LRCH1: variants seen among roughly 807,000 people sequenced by gnomAD.
The protein encoded by LRCH1 is leucine rich repeats and calponin homology domain containing 1.
In LRCH1, 23 loss-of-function variants were observed where a neutral mutation model predicts 94.9. The observed-to-expected ratio is 0.24, with a 90% CI of 0.17 to 0.34. LRCH1 has a LOEUF of 0.34. Among genes scored for constraint, LRCH1 ranks in the 10% least tolerant of loss-of-function variants. The pLI is 1.00. For missense variants in LRCH1, 790 were observed against 945.9 expected (o/e 0.84, Z 2.16); for synonymous variants, 364 against 354.9 (o/e 1.03, Z -0.29).
chr13:46,685,551 G>C (rs1870561960), intron 4 of LRCH1, among the ~76,000 whole-genome samples: 1 of 152,140 alleles, frequency 6.6e-6, no homozygotes, highest in Non-Finnish European at 1.5e-5. Flanking sequence ...GTGCTACTGG[G>C]AAACAGTTTG....
chr13:46,606,764 G>A (rs1309622211), intron 1 of LRCH1, among the ~76,000 whole-genome samples: 1 of 152,114 alleles, frequency 6.6e-6, no homozygotes, highest in East Asian at 1.9e-4. Flanking sequence ...TAGAGATGGG[G>A]TTTCACCATG....
intron 16 of LRCH1, among the ~76,000 whole-genome samples, chr13:46,719,141 A>G (rs1872479753): frequency 1.3e-5 from 2 of 152,272 alleles, no homozygotes; most frequent in Non-Finnish European, 1.5e-5. Flanking sequence ...TTCATATAAC[A>G]TTTATTTCAG....
intron 16 of LRCH1, among the ~76,000 whole-genome samples, chr13:46,716,753 A>G (rs1322552193): frequency 6.6e-6 from 1 of 152,234 alleles, no homozygotes; most frequent in African/African-American, 2.4e-5. Flanking sequence ...AATATTTCAT[A>G]GATTTCTAAA....
At chr13:46,578,973 C>G (rs1036032163) in intron 1 of LRCH1, among the ~76,000 whole-genome samples, 1 of 152,106 alleles carries the variant, frequency 6.6e-6, no homozygotes, top group Non-Finnish European at 1.5e-5. Flanking sequence ...CAGACAAGAC[C>G]TAAGGCCGAC....
chr13:46,732,683 A>G (rs1873167735), intron 18 of LRCH1, among the ~76,000 whole-genome samples: 1 of 152,150 alleles, frequency 6.6e-6, no homozygotes, highest in African/African-American at 2.4e-5. Flanking sequence ...TCAGAGAGAA[A>G]CGCTAGGGTC....
Position 46,734,018 on chromosome 13 carries a change from A to G in LRCH1, c.2085+20A>G. 7.2e-7 allele frequency: 1 copy of G among 1,394,876 alleles called. No homozygotes were observed. Among genetic ancestry groups the G allele is most frequent in the Non-Finnish European group, 1.0e-6 (1 of 995,874 alleles). The allele number at this position is 1,394,876 out of a possible 1,614,324, so 86.4% of individuals were successfully genotyped here. On this transcript the variant is annotated intron_variant, in intron 19 of 19. Coordinates refer to ENST00000389797, the MANE Select transcript of LRCH1 (RefSeq NM_001164211.2). ...CCAGAGGTAACATCAAACTTACTTC[A>G]TATAACTGTGTTCTAGTAAAAATTT...
At position 46,668,834 on chromosome 13, in the gene LRCH1, T is replaced by TTTTTTTA. The variant is rs1566212601; in HGVS notation, c.453-196_453-195insTTTTTTA. Among the ~76,000 whole-genome samples, 156 of 150,686 alleles carry TTTTTTTA rather than the reference T, an allele frequency of 1.0e-3. 3 individuals are homozygous for TTTTTTTA. In the South Asian group the frequency reaches 0.029, roughly 28 times the overall value. ...TTATTTTTTATTTTTTATTTTTTTT[T>TTTTTTTA]AAAAAAAGAAAAACATATTTTGTTT... is the stretch of plus-strand genomic sequence containing the variant. On this transcript the variant is annotated intron_variant, in intron 2 of 19. Transcript: ENST00000389797.
Position 46,686,032 on chromosome 13 carries a change from T to C in LRCH1, c.813T>C (p.Pro271=), listed in dbSNP as rs1314133552. ...LLLENNPLQS[P]PAQICTKGKV... ...TTGAGAATAACCCTCTGCAGTCTCC[T>C]CCAGCACAGGTGAGGGGTCTTGCAG... The change falls in exon 5 of 20, where the codon CCT becomes CCC. Residue 271 remains proline, a synonymous_variant. Transcript: ENST00000389797. 1.9e-6 allele frequency: 3 copies of C among 1,594,926 alleles called. No individual in the cohort carries two copies. The highest frequency in any genetic ancestry group is 2.3e-5 in the South Asian group (2 of 85,926).
intron 1 of LRCH1, among the ~76,000 whole-genome samples, chr13:46,609,568 GA>G (rs565190012): frequency 4.0e-5 from 6 of 151,578 alleles, no homozygotes; most frequent in African/African-American, 9.7e-5. Flanking sequence ...ATTTTAGAAT[GA>G]AAAAAGGTCT....
chr13:46,665,996 T>C (rs914485954), intron 2 of LRCH1, among the ~76,000 whole-genome samples: 2 of 152,214 alleles, frequency 1.3e-5, no homozygotes, highest in South Asian at 2.1e-4. Flanking sequence ...TTCCTTTTTC[T>C]ATTGGGGAAA....
At chr13:46,658,760 C>T (rs890819067) in intron 2 of LRCH1, among the ~76,000 whole-genome samples, 26 of 152,134 alleles carry the variant, frequency 1.7e-4, no homozygotes, top group Admixed American at 7.2e-4. Context: ...GGATTACAGG[C>T]GTGAGCCACC....
chr13:46,685,625 A>T (rs957209148), intron 4 of LRCH1, among the ~76,000 whole-genome samples: 2 of 152,166 alleles, frequency 1.3e-5, no homozygotes, highest in African/African-American at 2.4e-5. Context: ...GAAAAAAAAA[A>T]GTATTTTTAA....
intron 1 of LRCH1, among the ~76,000 whole-genome samples, chr13:46,624,569 A>C (rs1216559211): frequency 6.6e-6 from 1 of 152,184 alleles, no homozygotes; most frequent in Non-Finnish European, 1.5e-5. Context: ...TGAGAATTTT[A>C]GGGGATCCAC....
At chr13:46,727,906 T>C (rs543907608) in intron 17 of LRCH1, among the ~76,000 whole-genome samples, 2 of 99,858 alleles carry the variant, frequency 2.0e-5, no homozygotes, top group Non-Finnish European at 2.7e-5. Flanking sequence ...AAAACATTTC[T>C]TTCTTTCTTT....
At chr13:46,564,333 A>G (rs1327050733) in intron 1 of LRCH1, among the ~76,000 whole-genome samples, 1 of 152,218 alleles carries the variant, frequency 6.6e-6, no homozygotes, top group East Asian at 1.9e-4. Context: ...GTTTAACCCT[A>G]GCAGACCTGG....
At position 46,729,060 on chromosome 13, in the gene LRCH1, A is replaced by G. The variant is rs1566253848; in HGVS notation, c.2007+76A>G. Reference sequence around the variant, plus strand: ...GCACTGTTGTTGGTTTAGGATGTCAATGGTGTCAGTAGGAGCTTGCTCAAA... The same window carrying G: ...GCACTGTTGTTGGTTTAGGATGTCAGTGGTGTCAGTAGGAGCTTGCTCAAA... On this transcript the variant is annotated intron_variant, in intron 18 of 19. Transcript: ENST00000389797. 5 of 1,425,694 alleles carry G rather than the reference A, an allele frequency of 3.5e-6. No individual in the cohort carries two copies. In the African/African-American group the frequency reaches 7.0e-5, roughly 20 times the overall value. 88.3% of individuals were successfully genotyped at this position (1,425,694 alleles called of 1,614,324 possible).
chr13:46,687,026 T>A (rs842377), intron 5 of LRCH1, among the ~76,000 whole-genome samples: 85 of 147,590 alleles, frequency 5.8e-4, no homozygotes, highest in Admixed American at 1.5e-3. Context: ...AGGTGTGATC[T>A]TGGCTTACTG....
intron 5 of LRCH1, among the ~76,000 whole-genome samples, chr13:46,686,802 C>T (rs1163257857): frequency 6.6e-6 from 1 of 152,062 alleles, no homozygotes; most frequent in Non-Finnish European, 1.5e-5. Context: ...CACAGTGAAC[C>T]CTTGAGTGAA....
intron 13 of LRCH1, 90 bp downstream of exon 13, chr13:46,705,394 T>A: frequency 8.8e-7 from 1 of 1,130,932 alleles, no homozygotes; most frequent in Non-Finnish European, 1.4e-6. Context: ...TGTCAGGGAG[T>A]GAAACATCTT....
Sources: gnomAD v4.1 joint callset for allele counts (sites outside exome capture counted in the v4.1 genomes callset) on GRCh38, gnomAD v4.1.1 for gene constraint, MANE v1.5 for transcripts, NCBI Gene and HGNC (gene_info 2026-07-23, HGNC 2026-07-21) for gene names.